The following AMMECR1 variants were observed in gnomAD, a reference collection of about 807,000 sequenced individuals.
The protein encoded by AMMECR1 is AMMECR nuclear protein 1.
A neutral mutation model predicts 22.5 loss-of-function variants in AMMECR1; 3 were observed. The ratio of observed to expected loss-of-function variants is 0.13; its 90% confidence interval spans 0.06 to 0.35. The LOEUF is 0.35. Ranked by LOEUF, AMMECR1 falls within the 10% of genes least tolerant of loss-of-function variation. AMMECR1 has a pLI of 1.00. For synonymous variants in AMMECR1, 130 were observed against 116.7 expected (o/e 1.11, Z -0.74); for missense variants, 235 against 278.7 (o/e 0.84, Z 1.12).
intron 2 of AMMECR1, among the ~76,000 whole-genome samples, chrX:110,332,212 TA>T (rs1289515745): frequency 3.6e-5 from 4 of 111,714 alleles, no homozygotes; most frequent in Non-Finnish European, 7.5e-5. Context: ...ATAAAATAAT[TA>T]TATCTATGAA....
At chrX:110,417,452 T>C (rs1183385085) in intron 2 of AMMECR1, among the ~76,000 whole-genome samples, 1 of 111,242 alleles carries the variant, frequency 9.0e-6, no homozygotes, top group Non-Finnish European at 1.9e-5. Context: ...GTTTTCTAGG[T>C]TGTAGGGGTG....
At chrX:110,398,607 A>G (rs2068543620) in intron 2 of AMMECR1, among the ~76,000 whole-genome samples, 1 of 112,023 alleles carries the variant, frequency 8.9e-6, no homozygotes, top group African/African-American at 3.2e-5. Context: ...CCAAGGTCAT[A>G]GAACTAGGAC....
chrX:110,344,373 C>T (rs1351792754), intron 2 of AMMECR1, among the ~76,000 whole-genome samples: 1 of 112,249 alleles, frequency 8.9e-6, no homozygotes, highest in Non-Finnish European at 1.9e-5. Flanking sequence ...ACATGTTAGA[C>T]CTAAAACCAT....
chrX:110,299,741 T>A (rs1281604490), intron 1 of AMMECR1, among the ~76,000 whole-genome samples: 1 of 111,900 alleles, frequency 8.9e-6, no homozygotes. Context: ...ACCATACAAC[T>A]GTTTCTATGA....
intron 1 of AMMECR1, among the ~76,000 whole-genome samples, chrX:110,276,115 T>G (rs1357885711): frequency 9.0e-6 from 1 of 111,474 alleles, no homozygotes; most frequent in Admixed American, 9.5e-5. Context: ...ATAATTTCTA[T>G]TGTTATGGAT....
chrX:110,270,886 T>A (rs2067795107), intron 1 of AMMECR1, among the ~76,000 whole-genome samples: 1 of 111,928 alleles, frequency 8.9e-6, no homozygotes, highest in African/African-American at 3.3e-5. Flanking sequence ...CAAATCAAAA[T>A]TTCCATTTAT....
At chrX:110,234,489 C>T (rs2148182978) in intron 2 of AMMECR1, among the ~76,000 whole-genome samples, 1 of 111,960 alleles carries the variant, frequency 8.9e-6, no homozygotes, top group African/African-American at 3.2e-5. Context: ...CTTTAAAGTT[C>T]ATATGGAACC....
At chrX:110,246,687 G>C (rs752075141) in intron 2 of AMMECR1, among the ~76,000 whole-genome samples, 10 of 112,329 alleles carry the variant, frequency 8.9e-5, no homozygotes, top group Non-Finnish European at 9.4e-5. Context: ...GATAAAGCAA[G>C]TGCTGTAACA....
intron 2 of AMMECR1, among the ~76,000 whole-genome samples, chrX:110,339,801 G>A (rs749553072): frequency 8.9e-6 from 1 of 111,746 alleles, no homozygotes; most frequent in African/African-American, 3.3e-5. Context: ...TGGCCTGAAC[G>A]TGATTTTATA....
At chrX:110,304,201 C>T (rs1349409140) in intron 1 of AMMECR1, among the ~76,000 whole-genome samples, 1 of 111,641 alleles carries the variant, frequency 9.0e-6, no homozygotes, top group Non-Finnish European at 1.9e-5. Flanking sequence ...TGTGAAGAAC[C>T]ATAAGGAACA....
At chrX:110,397,067 A>G (rs1310070464) in intron 2 of AMMECR1, among the ~76,000 whole-genome samples, 4 of 112,097 alleles carry the variant, frequency 3.6e-5, no homozygotes, top group Non-Finnish European at 3.8e-5. Flanking sequence ...GCCAAAGCAG[A>G]TGACTCCCAG....
intron 2 of AMMECR1, among the ~76,000 whole-genome samples, chrX:110,407,803 T>G (rs1282255604): frequency 4.4e-5 from 5 of 112,546 alleles, no homozygotes; most frequent in Admixed American, 3.7e-4. Flanking sequence ...CTCATTTTCT[T>G]TCTATTTGCA....
chrX:110,246,417 C>A (rs1349600835), intron 2 of AMMECR1, among the ~76,000 whole-genome samples: 1 of 112,362 alleles, frequency 8.9e-6, no homozygotes, highest in Non-Finnish European at 1.9e-5. Flanking sequence ...TTCAGAGATG[C>A]TTTAATCTTC....
intron 3 of AMMECR1, 51 bp downstream of exon 3, chrX:110,216,467 C>A: frequency 1.1e-6 from 1 of 928,670 alleles, no homozygotes; most frequent in South Asian, 2.2e-5. Flanking sequence ...TTTTTAACAT[C>A]TCCTCAAGAG....
At chrX:110,417,180 C>T (rs892248425) in intron 2 of AMMECR1, among the ~76,000 whole-genome samples, 7 of 112,170 alleles carry the variant, frequency 6.2e-5, no homozygotes, top group South Asian at 3.8e-4. Flanking sequence ...TCCCTCCTCT[C>T]GGCAGGCACT....
At chrX:110,267,699 G>A (rs1181147006) in intron 1 of AMMECR1, among the ~76,000 whole-genome samples, 5 of 111,548 alleles carry the variant, frequency 4.5e-5, no homozygotes, top group Non-Finnish European at 9.4e-5. Context: ...TATCAAAAAC[G>A]CTAGAAATGA....
At chrX:110,405,117 C>T (rs1167676110) in intron 2 of AMMECR1, among the ~76,000 whole-genome samples, 1 of 94,555 alleles carries the variant, frequency 1.1e-5, no homozygotes, top group African/African-American at 3.9e-5. Context: ...TGAGTCAGAG[C>T]CTTTCATGGG....
chrX:110,436,041 G>A (rs1207758354), intron 1 of AMMECR1, among the ~76,000 whole-genome samples: 1 of 112,575 alleles, frequency 8.9e-6, no homozygotes, highest in Non-Finnish European at 1.9e-5. Context: ...TAACCAGTAA[G>A]GTCTTCTATA....
chrX:110,367,926 A>G (rs1437143932), intron 2 of AMMECR1, among the ~76,000 whole-genome samples: 1 of 109,255 alleles, frequency 9.2e-6, no homozygotes, highest in African/African-American at 3.3e-5. Context: ...CTCCCACCTC[A>G]GATTTCCCAG....
Sources: gnomAD v4.1 joint callset for allele counts (sites outside exome capture counted in the v4.1 genomes callset) on GRCh38, gnomAD v4.1.1 for gene constraint, MANE v1.5 for transcripts, NCBI Gene and HGNC (gene_info 2026-07-23, HGNC 2026-07-21) for gene names.